Variants in CD22 observed in about 807,000 individuals in gnomAD.
The protein encoded by CD22 is B-cell receptor CD22.
A neutral mutation model predicts 94.7 loss-of-function variants in CD22; 51 were observed. The observed-to-expected ratio is 0.54, with a 90% CI of 0.43 to 0.68. The LOEUF is 0.68. CD22 is among the 30% of genes least tolerant of loss of function. The pLI is 0.00. For synonymous variants in CD22, 424 were observed against 422.5 expected (o/e 1.00, Z -0.04); for missense variants, 931 against 1,060.4 (o/e 0.88, Z 1.69).
chr19:35,333,114 C>T (rs750705276), intron 3 of CD22, 190 bp downstream of exon 3: 35 of 576,814 alleles, frequency 6.1e-5, no homozygotes, highest in Non-Finnish European at 9.1e-5. Flanking sequence ...CCATCTGACC[C>T]TCAGTTCCTG....
intron 2 of CD22, chr19:35,332,312 A>T: frequency 1.6e-6 from 1 of 642,346 alleles, no homozygotes; most frequent in Non-Finnish European, 2.6e-6. Flanking sequence ...GGAATTCTTT[A>T]GTCTTTAGAA....
Position 35,337,771 on chromosome 19 carries a change from G to A in CD22, c.735G>A (p.Glu245=), listed in dbSNP as rs778620980. 1.4e-5 allele frequency: 22 copies of A among 1,601,232 alleles called. No homozygotes were observed. The highest frequency in any genetic ancestry group is 1.1e-4 in the South Asian group (10 of 90,430). Residue 245 remains glutamate (E), a synonymous_variant, in exon 5 of 14, where the codon GAG becomes GAA. Transcript: ENST00000085219. The surrounding 1 kb of genome is among the most constrained non-coding windows in gnomAD (Gnocchi z 4.4). Reference sequence around the variant, plus strand: ...CTCCTCCAGACACCCCGAAGTTGGAGATCAAGGTCACTCCCAGTGATGCCA... The same window carrying A: ...CTCCTCCAGACACCCCGAAGTTGGAAATCAAGGTCACTCCCAGTGATGCCA... ...QLNVKHTPKL[E]IKVTPSDAIV...
chr19:35,341,906 G>C lies in CD22; in HGVS notation c.1976G>C (p.Cys659Ser). ...GTCCAGCACTCGGGTGCCTACTGGT[G>C]CCAGGGGACCAACAGTGTGGGCAAG... ...VKVQHSGAYW[C>S]QGTNSVGKGR... Residue 659 changes from cysteine (C) to serine (S), a missense_variant, in exon 9 of 14, where the codon TGC becomes TCC. Physicochemically the swap from Cys to Ser is moderately radical, Grantham distance 112. Coordinates refer to ENST00000085219, the MANE Select transcript of CD22 (RefSeq NM_001771.4). The surrounding 1 kb of genome is among the most constrained non-coding windows in gnomAD (Gnocchi z 4.0). 3 of 1,614,002 alleles carry C rather than the reference G, an allele frequency of 1.9e-6. No homozygotes were observed. In the South Asian group the frequency reaches 3.3e-5, roughly 18 times the overall value.
At position 35,341,053 on chromosome 19, in the gene CD22, C is replaced by T. The variant is rs199643177; in HGVS notation, c.1422C>T (p.Asn474=). Residue 474 remains asparagine, a synonymous_variant, in exon 7 of 14, where the codon AAC becomes AAT. Coordinates refer to ENST00000085219, the MANE Select transcript of CD22 (RefSeq NM_001771.4). The surrounding 1 kb of genome is among the most constrained non-coding windows in gnomAD (Gnocchi z 4.0). ...EPSLGVLKIQ[N]VGWDNTTIAC... ...CGCTTGGGGTGCTGAAGATCCAAAA[C>T]GTTGGCTGGGACAACACAACCATCG... 64 of 1,614,088 alleles carry T rather than the reference C, an allele frequency of 4.0e-5. No individual in the cohort carries two copies. The highest frequency in any genetic ancestry group is 1.7e-4 in the Admixed American group (10 of 60,008).
rs1306377619 is a variant in CD22, at chr19:35,341,286, G to A, written c.1508-57G>A. 6.9e-6 allele frequency: 11 copies of A among 1,599,686 alleles called. No homozygotes were observed. The highest frequency in any genetic ancestry group is 1.1e-5 in the South Asian group (1 of 89,934). ...TCAGGGCCAAGGGGAGGGGAGGCCTGGGGACAGCAAAAGGGACAGGGAGCG... is the reference window on the plus strand; with the variant it reads ...TCAGGGCCAAGGGGAGGGGAGGCCTAGGGACAGCAAAAGGGACAGGGAGCG... On this transcript the variant is annotated intron_variant, in intron 7 of 13. Transcript: ENST00000085219. The surrounding 1 kb of genome is among the most constrained non-coding windows in gnomAD (Gnocchi z 4.0).
Position 35,341,240 on chromosome 19 carries a change from T to C in CD22, c.1507+102T>C. On this transcript the variant is annotated intron_variant, in intron 7 of 13. Coordinates refer to ENST00000085219, the MANE Select transcript of CD22 (RefSeq NM_001771.4). The surrounding 1 kb of genome is among the most constrained non-coding windows in gnomAD (Gnocchi z 4.0). Reference sequence around the variant, plus strand: ...GCCTGGGCCAGTGTCTTCAACAGAATTGAGGGACAGGAGCCTGGCGTCAGG... The same window carrying C: ...GCCTGGGCCAGTGTCTTCAACAGAACTGAGGGACAGGAGCCTGGCGTCAGG... The C allele has an allele frequency of 1.9e-6, 3 of 1,596,750 alleles. No individual in the cohort carries two copies. Among genetic ancestry groups the C allele is most frequent in the Non-Finnish European group, 2.6e-6 (3 of 1,169,302 alleles).
chr19:35,338,876 G>A (rs1034397746), intron 6 of CD22, among the ~76,000 whole-genome samples: 12 of 151,754 alleles, frequency 7.9e-5, no homozygotes, highest in Admixed American at 1.3e-4. Flanking sequence ...TGATCCACCC[G>A]CCTCGGCCTC....
At position 35,345,681 on chromosome 19, in the gene CD22, C is replaced by T; in HGVS notation, c.2288C>T (p.Thr763Ile). 1 of 1,613,716 alleles carries T rather than the reference C, an allele frequency of 6.2e-7. No individual in the cohort carries two copies. Among genetic ancestry groups the T allele is most frequent in the Non-Finnish European group, 8.5e-7 (1 of 1,179,646 alleles). Residue 763 changes from threonine (T) to isoleucine (I), a missense_variant, in exon 12 of 14, where the codon ACC (threonine) becomes ATC (isoleucine). Thr to Ile is a moderately conservative substitution (Grantham distance 89, BLOSUM62 -1). Transcript: ENST00000085219. ...ATGATGGAAGATGGCATTAGCTACA[C>T]CACCCTGCGCTTTCCCGAGATGAAC... ...NPMMEDGISY[T>I]TLRFPEMNIP...
chr19:35,329,491 G>A, intron 1 of CD22: 1 of 353,406 alleles, frequency 2.8e-6, no homozygotes, highest in Non-Finnish European at 5.6e-6. Context: ...CCAAGGTTCT[G>A]CAAGGCCCTC....
Position 35,341,362 on chromosome 19 carries a change from G to C in CD22, c.1527G>C (p.Arg509Ser), listed in dbSNP as rs2066805553. The change falls in exon 8 of 14, where the codon AGG becomes AGC. Residue 509 changes from arginine (R) to serine (S), a missense_variant. Arg to Ser is a moderately radical substitution (Grantham distance 110). Transcript: ENST00000085219. The surrounding 1 kb of genome is among the most constrained non-coding windows in gnomAD (Gnocchi z 4.0). ...CTCCAGATGCCCCCCGAGACGTGAG[G>C]GTCCGGAAAATCAAGCCCCTTTCCG... ...LNVQYAPRDV[R>S]VRKIKPLSEI... The C allele has an allele frequency of 3.1e-6, 5 of 1,613,662 alleles. No homozygotes were observed. Among genetic ancestry groups the C allele is most frequent in the Non-Finnish European group, 4.2e-6 (5 of 1,179,892 alleles).
rs753967802 is a variant in CD22, at chr19:35,336,121, C to T, written c.498C>T (p.Ser166=). ...CTCTGACCTGCTTGCTGAATTTCTC[C>T]TGCTATGGGTATCCGATCCAATTGC... ...EVTLTCLLNF[S]CYGYPIQLQW... The change falls in exon 4 of 14, where the codon TCC becomes TCT. Residue 166 remains serine, a synonymous_variant. Transcript: ENST00000085219. 1 of 1,614,124 alleles carries T rather than the reference C, an allele frequency of 6.2e-7. No individual in the cohort carries two copies. Among genetic ancestry groups the T allele is most frequent in the South Asian group, 1.1e-5 (1 of 91,076 alleles).
intron 3 of CD22, 61 bp from the exon 4 acceptor site, chr19:35,335,975 C>T: frequency 7.0e-7 from 1 of 1,432,554 alleles, no homozygotes; most frequent in Middle Eastern, 1.9e-4. Flanking sequence ...ACATCTAAAG[C>T]CAGGTGTACG....
At position 35,346,471 on chromosome 19, in the gene CD22, G is replaced by A; in HGVS notation, c.2413-95G>A. On this transcript the variant is annotated intron_variant, in intron 13 of 13. Coordinates refer to ENST00000085219, the MANE Select transcript of CD22 (RefSeq NM_001771.4). ...ACGAGGACACCCGCCTGGGCTTTTG[G>A]ACCCCCGGGTGGAATGAAGGAGAGA... is the stretch of plus-strand genomic sequence containing the variant. 2.0e-6 allele frequency: 3 copies of A among 1,512,096 alleles called. 1 individual carries two copies. Among genetic ancestry groups the A allele is most frequent in the Admixed American group, 4.0e-5 (2 of 50,126 alleles). 93.7% of individuals were successfully genotyped at this position (1,512,096 alleles called of 1,614,324 possible).
Position 35,332,031 on chromosome 19 carries a change from A to T in CD22, c.-10A>T. 1 of 1,613,794 alleles carries T rather than the reference A, an allele frequency of 6.2e-7. No individual in the cohort carries two copies. Among genetic ancestry groups the T allele is most frequent in the African/African-American group, 1.3e-5 (1 of 74,980 alleles). The stretch of plus-strand genomic sequence containing the variant: ...CTCCCCTGCTCAGGCTTGCACCCAG[A>T]CACGACACCATGCATCTCCTCGGCC... On this transcript the variant is annotated 5_prime_UTR_variant, in exon 2 of 14. Transcript: ENST00000085219.
rs991424858 is a variant in CD22, at chr19:35,341,284, C to G, written c.1508-59C>G. 38 of 1,599,340 alleles carry G rather than the reference C, an allele frequency of 2.4e-5. No individual in the cohort carries two copies. Among genetic ancestry groups the G allele is most frequent in the Non-Finnish European group, 3.2e-5 (37 of 1,171,132 alleles). On this transcript the variant is annotated intron_variant, in intron 7 of 13. Coordinates refer to ENST00000085219, the MANE Select transcript of CD22 (RefSeq NM_001771.4). This position sits in a 1 kb window ranked among gnomAD's most constrained non-coding sequence, Gnocchi z 4.0. ...CGTCAGGGCCAAGGGGAGGGGAGGC[C>G]TGGGGACAGCAAAAGGGACAGGGAG...
intron 4 of CD22, among the ~76,000 whole-genome samples, chr19:35,336,883 A>G (rs955062965): frequency 6.6e-6 from 1 of 152,248 alleles, no homozygotes; most frequent in Non-Finnish European, 1.5e-5. Flanking sequence ...AGGTAGTGAT[A>G]TGTGTGTTAG....
In CD22 at chr19:35,345,130, G is replaced by T. The variant is rs757769408; in HGVS notation, c.2208+4G>T. The T allele has an allele frequency of 2.5e-6, 4 of 1,613,444 alleles. No homozygotes were observed. The highest frequency in any genetic ancestry group is 2.5e-6 in the Non-Finnish European group (3 of 1,179,694). ...CTTCTTTGTGAGGAATAAAAAGGTA[G>T]GATGGGGCTGGGCACGATGGCTCAT... On this transcript the variant is annotated splice_donor_region_variant and intron_variant, in intron 11 of 13. Coordinates refer to ENST00000085219, the MANE Select transcript of CD22 (RefSeq NM_001771.4).
rs181926249 is a variant in CD22 at position 35,341,279 on chromosome 19, G to A, written c.1508-64G>A. ...CCTGGCGTCAGGGCCAAGGGGAGGG[G>A]AGGCCTGGGGACAGCAAAAGGGACA... On this transcript the variant is annotated intron_variant, in intron 7 of 13. Transcript: ENST00000085219. This position sits in a 1 kb window ranked among gnomAD's most constrained non-coding sequence, Gnocchi z 4.0. 113 of 1,596,366 alleles carry A rather than the reference G, an allele frequency of 7.1e-5. 1 individual carries two copies. The East Asian group carries it at 2.2e-3, about 31-fold the overall frequency.
chr19:35,347,047 C>G lies in CD22; in HGVS notation c.*350C>G, dbSNP rs2066919398. ...CAGCTGCTTGTGTCCCTCCTGGGAT[C>G]TGCTCGTCATCATTTTTCCTTCCCT... On this transcript the variant is annotated 3_prime_UTR_variant, in exon 14 of 14. Transcript: ENST00000085219. The G allele has an allele frequency of 4.7e-6, 1 of 211,196 alleles. No individual in the cohort carries two copies. Among genetic ancestry groups the G allele is most frequent in the East Asian group, 1.2e-4 (1 of 8,034 alleles). The allele number at this position is 211,196 out of a possible 1,614,324, so 13.1% of individuals were successfully genotyped here.
Sources: allele counts gnomAD v4.1 joint callset (sites outside exome capture counted in the v4.1 genomes callset), GRCh38; gene constraint gnomAD v4.1.1; non-coding constraint Gnocchi (gnomAD v3.1); transcripts MANE v1.5; gene names NCBI Gene and HGNC (gene_info 2026-07-23, HGNC 2026-07-21).